RPS6KC1: variants seen among roughly 807,000 people sequenced by gnomAD.
The protein encoded by RPS6KC1 is ribosomal protein S6 kinase C1.
Under a neutral mutation model 103.8 loss-of-function variants are expected in RPS6KC1, and 54 were observed. The observed-to-expected ratio is 0.52, with a 90% CI of 0.42 to 0.65. The LOEUF (loss-of-function observed/expected upper bound fraction) is 0.65. Ranked by LOEUF, RPS6KC1 falls within the 30% of genes least tolerant of loss-of-function variation. The probability of loss-of-function intolerance (pLI) is 0.00; values close to 1 mark genes in which losing one functional copy is unlikely to be tolerated. For synonymous variants in RPS6KC1, 439 were observed against 438.7 expected (o/e 1.00, Z -0.01); for missense variants, 1,151 against 1,253.8 (o/e 0.92, Z 1.24).
rs746298886 is a variant in RPS6KC1 at position 213,129,792 on chromosome 1, A to G, written c.738A>G (p.Leu246=). 6.2e-7 allele frequency: 1 copy of G among 1,614,038 alleles called. No individual in the cohort carries two copies. Among genetic ancestry groups the G allele is most frequent in the Admixed American group, 1.7e-5 (1 of 59,994 alleles). ...ATTATTTGGAGAAAGCAGGAGAATT[A>G]ATAAAGCTGGCTTTAAAAAAGGAAG... ...KRDYLEKAGE[L]IKLALKKEEE... is the part of the protein sequence containing the mutation. Residue 246 remains leucine (L), a synonymous_variant, in exon 6 of 15, where the codon TTA becomes TTG. Transcript: ENST00000366960.
chr1:213,641,703 C>A, the RPS6KC1 span, among the ~76,000 whole-genome samples: 1 of 151,928 alleles, frequency 6.6e-6, no homozygotes, highest in Non-Finnish European at 1.5e-5. Context: ...CTCAGTACAA[C>A]CCAGTTCTCT....
the RPS6KC1 span, among the ~76,000 whole-genome samples, chr1:213,704,138 A>C: frequency 6.6e-6 from 1 of 152,088 alleles, no homozygotes; most frequent in Non-Finnish European, 1.5e-5. Flanking sequence ...CTGTAATCCC[A>C]GCACTTTGGG....
the RPS6KC1 span, among the ~76,000 whole-genome samples, chr1:213,578,173 G>A: frequency 2.6e-5 from 4 of 152,368 alleles, no homozygotes; most frequent in South Asian, 8.3e-4. Flanking sequence ...AGCCTTGGCA[G>A]CTTACACATG....
chr1:213,358,783 A>G, the RPS6KC1 span, among the ~76,000 whole-genome samples: 384 of 152,224 alleles, frequency 2.5e-3, 3 homozygotes, highest in African/African-American at 8.9e-3. Flanking sequence ...TTCAAAGAAC[A>G]TCTTTATTTC....
intron 3 of RPS6KC1, among the ~76,000 whole-genome samples, chr1:213,082,017 C>A (rs932100674): frequency 6.6e-6 from 1 of 152,228 alleles, no homozygotes; most frequent in Non-Finnish European, 1.5e-5. Context: ...ATTTGTTACC[C>A]AGCAATAACT....
intron 6 of RPS6KC1, among the ~76,000 whole-genome samples, chr1:213,154,787 C>A (rs867237252): frequency 1.3e-5 from 2 of 152,306 alleles, no homozygotes; most frequent in Middle Eastern, 6.8e-3. Flanking sequence ...GAGAAAGTCC[C>A]CTTTACTTTT....
the RPS6KC1 span, among the ~76,000 whole-genome samples, chr1:213,609,707 G>T: frequency 6.6e-6 from 1 of 150,838 alleles, no homozygotes; most frequent in Non-Finnish European, 1.5e-5. Context: ...AGAGAAGCAG[G>T]TTGGACCAGG....
the RPS6KC1 span, among the ~76,000 whole-genome samples, chr1:213,537,254 C>G: frequency 6.6e-6 from 1 of 152,154 alleles, no homozygotes; most frequent in Non-Finnish European, 1.5e-5. Flanking sequence ...CCTGAATTCC[C>G]TAGTTTGGAA....
chr1:213,444,402 A>T, the RPS6KC1 span, among the ~76,000 whole-genome samples: 1 of 152,184 alleles, frequency 6.6e-6, no homozygotes, highest in Admixed American at 6.5e-5. Context: ...GAGCGGCCCC[A>T]GTTAAGCTGG....
chr1:213,553,260 T>C, the RPS6KC1 span, among the ~76,000 whole-genome samples: 4 of 152,148 alleles, frequency 2.6e-5, no homozygotes, highest in Non-Finnish European at 4.4e-5. Flanking sequence ...GAGCTTATGG[T>C]ATTTGGTTTT....
At chr1:213,422,925 CATTAGAA>C in the RPS6KC1 span, among the ~76,000 whole-genome samples, 2 of 152,238 alleles carry the variant, frequency 1.3e-5, no homozygotes, top group African/African-American at 4.8e-5. Flanking sequence ...ACCCAGGACA[CATTAGAA>C]ATTGGTCTGA....
At chr1:213,483,629 G>T in the RPS6KC1 span, among the ~76,000 whole-genome samples, 2 of 152,274 alleles carry the variant, frequency 1.3e-5, no homozygotes, top group East Asian at 1.9e-4. Context: ...TCTTGAGTGA[G>T]CTTTGATAGT....
the RPS6KC1 span, among the ~76,000 whole-genome samples, chr1:213,361,334 G>A: frequency 7.9e-5 from 12 of 152,358 alleles, 1 homozygote; most frequent in Middle Eastern, 3.4e-3. Flanking sequence ...GCAAGGCTCC[G>A]TGGGCGTGGG....
At chr1:213,212,100 A>G (rs1025496689) in intron 8 of RPS6KC1, among the ~76,000 whole-genome samples, 3 of 152,074 alleles carry the variant, frequency 2.0e-5, no homozygotes, top group East Asian at 3.9e-4. Context: ...CTTACAGTTC[A>G]TAGTTTATAT....
intron 3 of RPS6KC1, among the ~76,000 whole-genome samples, chr1:213,095,095 G>GT (rs2081329932): frequency 6.6e-6 from 1 of 152,152 alleles, no homozygotes; most frequent in African/African-American, 2.4e-5. Flanking sequence ...CCAAAGCCCT[G>GT]TAAGTCCTTT....
the RPS6KC1 span, among the ~76,000 whole-genome samples, chr1:213,454,652 G>GA: frequency 6.6e-6 from 1 of 152,102 alleles, no homozygotes; most frequent in African/African-American, 2.4e-5. Flanking sequence ...TTTTCTGAAA[G>GA]AAGCAACTTA....
intron 8 of RPS6KC1, among the ~76,000 whole-genome samples, chr1:213,182,272 A>C (rs1441961801): frequency 6.6e-6 from 1 of 152,116 alleles, no homozygotes; most frequent in Admixed American, 6.6e-5. Flanking sequence ...TGGGTGGATC[A>C]CCTGAGGTCA....
chr1:213,186,619 C>G (rs2092543406), intron 8 of RPS6KC1, among the ~76,000 whole-genome samples: 1 of 152,052 alleles, frequency 6.6e-6, no homozygotes, highest in Non-Finnish European at 1.5e-5. Context: ...ATATGTATAT[C>G]TTTCGGAAAA....
At chr1:213,647,580 A>G in the RPS6KC1 span, among the ~76,000 whole-genome samples, 2 of 152,150 alleles carry the variant, frequency 1.3e-5, no homozygotes, top group Non-Finnish European at 2.9e-5. Context: ...CTGTAAAATG[A>G]CAGCAGTTAT....
Sources: allele counts gnomAD v4.1 joint callset (sites outside exome capture counted in the v4.1 genomes callset), GRCh38; gene constraint gnomAD v4.1.1; transcripts MANE v1.5; gene names NCBI Gene and HGNC (gene_info 2026-07-23, HGNC 2026-07-21).